LPP: variants seen among roughly 807,000 people sequenced by gnomAD.
LPP encodes the protein LIM domain containing preferred translocation partner in lipoma.
Under a neutral mutation model 60.4 loss-of-function variants are expected in LPP, and 38 were observed. The ratio of observed to expected loss-of-function variants is 0.63; its 90% CI spans 0.49 to 0.83. The LOEUF (loss-of-function observed/expected upper bound fraction) is 0.83. Ranked by LOEUF, LPP falls within the 40% of genes least tolerant of loss-of-function variation. LPP has a pLI of 0.00. For synonymous variants in LPP, 328 were observed against 290.8 expected (o/e 1.13, Z -1.30); for missense variants, 902 against 783.6 (o/e 1.15, Z -1.80).
At chr3:188,746,454 T>C (rs529489059) in intron 8 of LPP, 2 of 449,048 alleles carry the variant, frequency 4.5e-6, no homozygotes, top group Non-Finnish European at 8.7e-6. Context: ...GCAAGCTGTA[T>C]TTGTTGTAAC....
intron 2 of LPP, among the ~76,000 whole-genome samples, chr3:188,246,920 C>T (rs1294218875): frequency 6.6e-6 from 1 of 152,168 alleles, no homozygotes; most frequent in Non-Finnish European, 1.5e-5. Context: ...GATGGGATTT[C>T]AGCCTTCTTT....
chr3:188,310,636 G>A (rs1237191827), intron 2 of LPP, among the ~76,000 whole-genome samples: 1 of 152,160 alleles, frequency 6.6e-6, no homozygotes, highest in East Asian at 1.9e-4. Flanking sequence ...GGCCTCCACT[G>A]TGAAATATGT....
Position 188,785,482 on chromosome 3 carries a change from TATATTCATC to T in LPP, c.1410+25205_1410+25213del, listed in dbSNP as rs1380149391. Among the ~76,000 whole-genome samples the T allele has an allele frequency of 5.7e-4, 17 of 29,652 alleles. 5 individuals carry two copies. The highest frequency in any genetic ancestry group is 2.2e-3 in the African/African-American group (17 of 7,684). The allele number at this position is 29,652 out of a possible 152,430, so 19.5% of individuals were successfully genotyped here. On this transcript the variant is annotated intron_variant, in intron 9 of 11. Transcript: ENST00000617246. ...ATATATATATATTCCATCATATATATATATTCATCATATATATATATTCCATCATATATA... is the reference window on the plus strand; with the variant it reads ...ATATATATATATTCCATCATATATATATATATATATATTCCATCATATATA...
chr3:188,576,345 A>G (rs942438622), intron 6 of LPP, among the ~76,000 whole-genome samples: 1 of 152,090 alleles, frequency 6.6e-6, no homozygotes. Context: ...TTGTGGGCTC[A>G]CTCTCTGAGA....
intron 2 of LPP, among the ~76,000 whole-genome samples, chr3:188,241,312 C>T (rs1167621297): frequency 1.3e-5 from 2 of 152,208 alleles, no homozygotes; most frequent in African/African-American, 4.8e-5. Context: ...TGGGTATAAA[C>T]GCCTGTCCGC....
intron 7 of LPP, among the ~76,000 whole-genome samples, chr3:188,630,754 G>A (rs1847715687): frequency 6.6e-6 from 1 of 152,246 alleles, no homozygotes; most frequent in African/African-American, 2.4e-5. Flanking sequence ...ATTCAAAATA[G>A]CAAAGACCTG....
At chr3:188,313,079 C>T (rs1753946483) in intron 2 of LPP, among the ~76,000 whole-genome samples, 1 of 151,642 alleles carries the variant, frequency 6.6e-6, no homozygotes, top group Non-Finnish European at 1.5e-5. Context: ...CACATGTATA[C>T]ATATGTAACA....
At chr3:188,407,791 T>TTTTTTTTTTTTTTTTTTTTTTG (rs1783984681) in intron 4 of LPP, among the ~76,000 whole-genome samples, 2 of 34,166 alleles carry the variant, frequency 5.9e-5, no homozygotes, top group African/African-American at 9.8e-5. Context: ...TTTGTTTGTT[T>TTTTTTTTTTTTTTTTTTTTTTG]TTTTTTTTTT....
At chr3:188,508,618 A>G (rs1203881365) in intron 5 of LPP, among the ~76,000 whole-genome samples, 2 of 152,224 alleles carry the variant, frequency 1.3e-5, no homozygotes, top group African/African-American at 4.8e-5. Context: ...ACACCAGTAA[A>G]TGGAAACTCG....
Position 188,886,723 on chromosome 3 carries a change from CACACACACACACAT to C in LPP, c.*12258_*12271del, listed in dbSNP as rs918392247. The C allele has an allele frequency of 1.2e-4, 21 of 170,676 alleles. No individual in the cohort carries two copies. Among genetic ancestry groups the C allele is most frequent in the East Asian group, 5.0e-4 (6 of 11,976 alleles). 10.6% of individuals were successfully genotyped at this position (170,676 alleles called of 1,614,324 possible). On this transcript the variant is annotated 3_prime_UTR_variant, in exon 12 of 12. Transcript: ENST00000617246. The stretch of plus-strand genomic sequence containing the variant: ...ATACAATTGTATTGTCTTCAAAACA[CACACACACACACAT>C]ACACACACACACACACACACACACA...
intron 6 of LPP, among the ~76,000 whole-genome samples, chr3:188,583,020 C>T (rs992132560): frequency 1.3e-5 from 2 of 152,160 alleles, no homozygotes; most frequent in African/African-American, 4.8e-5. Flanking sequence ...CCAAGGCTTT[C>T]CTAAAATGCA....
At chr3:188,725,448 A>C (rs1158834228) in intron 8 of LPP, 1 of 152,244 alleles carries the variant, frequency 6.6e-6, no homozygotes, top group Non-Finnish European at 1.5e-5. Context: ...TGGCCTCAGC[A>C]TTGCAGTCAC....
In LPP at chr3:188,378,840, C is replaced by T. The variant is rs531437568; in HGVS notation, c.-9-27272C>T. ...GCTGTAGACTGGAGGTGTTCCTATTCGGCCATCTTGGCTCCTCCTCCCTAT... is the reference window on the plus strand; with the variant it reads ...GCTGTAGACTGGAGGTGTTCCTATTTGGCCATCTTGGCTCCTCCTCCCTAT... On this transcript the variant is annotated intron_variant, in intron 3 of 11. Coordinates refer to ENST00000617246, the MANE Select transcript of LPP (RefSeq NM_001375462.1). Among the ~76,000 whole-genome samples the T allele has an allele frequency of 1.4e-4, 21 of 152,322 alleles. 1 individual carries two copies. The highest frequency in any genetic ancestry group is 7.7e-4 in the East Asian group (4 of 5,180).
chr3:188,168,223 T>A (rs1485810442), intron 1 of LPP, among the ~76,000 whole-genome samples: 1 of 152,262 alleles, frequency 6.6e-6, no homozygotes, highest in Admixed American at 6.5e-5. Flanking sequence ...TTCCAACCTC[T>A]TCATTTAACA....
At chr3:188,611,809 G>GCACT (rs1843769926) in intron 7 of LPP, among the ~76,000 whole-genome samples, 1 of 152,150 alleles carries the variant, frequency 6.6e-6, no homozygotes, top group Admixed American at 6.5e-5. Context: ...AAGTCACTGG[G>GCACT]CACTCTGGCC....
intron 9 of LPP, among the ~76,000 whole-genome samples, chr3:188,783,778 G>A (rs1223009623): frequency 2.6e-5 from 4 of 151,856 alleles, no homozygotes; most frequent in Non-Finnish European, 5.9e-5. Context: ...CTGCTACCAG[G>A]CCCCTATCCC....
intron 1 of LPP, among the ~76,000 whole-genome samples, chr3:188,175,559 G>A (rs1012034628): frequency 3.3e-5 from 5 of 152,142 alleles, no homozygotes; most frequent in Non-Finnish European, 7.4e-5. Flanking sequence ...TTTTATACTT[G>A]TAAGGTCGAT....
At chr3:188,187,577 G>C (rs1260225343) in intron 1 of LPP, among the ~76,000 whole-genome samples, 1 of 151,860 alleles carries the variant, frequency 6.6e-6, no homozygotes, top group Non-Finnish European at 1.5e-5. Context: ...TCGTTCTCTT[G>C]TCTGCTTGGA....
At chr3:188,406,336 T>A in intron 4 of LPP, 23 bp downstream of exon 4, 4 of 1,601,346 alleles carry the variant, frequency 2.5e-6, no homozygotes, top group Non-Finnish European at 3.4e-6. Flanking sequence ...ATTTCAGAGT[T>A]GGTTACTTGG....
Sources: allele counts gnomAD v4.1 joint callset (sites outside exome capture counted in the v4.1 genomes callset), GRCh38; gene constraint gnomAD v4.1.1; transcripts MANE v1.5; gene names NCBI Gene and HGNC (gene_info 2026-07-23, HGNC 2026-07-21).